The following SLC25A21 variants were observed in gnomAD, a reference collection of about 807,000 sequenced individuals.
The protein encoded by SLC25A21 is mitochondrial 2-oxodicarboxylate carrier.
In SLC25A21, 47 loss-of-function variants were observed where a neutral mutation model predicts 43.8. The observed-to-expected ratio is 1.07, with a 90% CI of 0.85 to 1.37. SLC25A21 has a LOEUF of 1.37. Ranked by LOEUF, SLC25A21 falls within the 40% of genes most tolerant of loss-of-function variation. SLC25A21 has a pLI of 0.00. For synonymous variants in SLC25A21, 131 were observed against 121.3 expected (o/e 1.08, Z -0.52); for missense variants, 352 against 350.2 (o/e 1.00, Z -0.04).
At chr14:36,762,896 T>G (rs1047393553) in intron 3 of SLC25A21, among the ~76,000 whole-genome samples, 3 of 152,206 alleles carry the variant, frequency 2.0e-5, no homozygotes, top group Admixed American at 2.0e-4. Context: ...CGTCATTATC[T>G]TGAATTAATC....
At chr14:36,787,878 C>A (rs1391378628) in intron 3 of SLC25A21, among the ~76,000 whole-genome samples, 2 of 151,998 alleles carry the variant, frequency 1.3e-5, no homozygotes, top group African/African-American at 4.8e-5. Context: ...GTGACTAGTT[C>A]TTTGCAAGCA....
intron 1 of SLC25A21, among the ~76,000 whole-genome samples, chr14:37,044,924 A>T (rs1178598661): frequency 2.0e-5 from 3 of 152,238 alleles, no homozygotes; most frequent in Admixed American, 2.0e-4. Context: ...ACATTATTCC[A>T]ACTGAAGAAA....
intron 3 of SLC25A21, among the ~76,000 whole-genome samples, chr14:36,765,064 T>C (rs921226000): frequency 4.6e-5 from 7 of 152,148 alleles, no homozygotes; most frequent in Non-Finnish European, 8.8e-5. Flanking sequence ...CAATAGAATA[T>C]GGGAGAAGTG....
chr14:36,709,219 G>A (rs1017536140), intron 7 of SLC25A21, among the ~76,000 whole-genome samples: 2 of 152,128 alleles, frequency 1.3e-5, no homozygotes, highest in African/African-American at 4.8e-5. Flanking sequence ...CTGAAAAACA[G>A]AGCTGGTTTC....
chr14:36,803,296 A>T (rs1391664355), intron 3 of SLC25A21, among the ~76,000 whole-genome samples: 1 of 152,218 alleles, frequency 6.6e-6, no homozygotes, highest in Non-Finnish European at 1.5e-5. Context: ...TATTTTACAC[A>T]TGAAGCCAGG....
In SLC25A21 at chr14:36,915,406, T is replaced by C. The variant is rs146354717; in HGVS notation, c.71-40402A>G. 3.5e-3 allele frequency among the ~76,000 whole-genome samples: 532 copies of C among 152,192 alleles called. 2 individuals carry two copies. Among genetic ancestry groups the C allele is most frequent in the Middle Eastern group, 6.8e-3 (2 of 294 alleles). On this transcript the variant is annotated intron_variant, in intron 1 of 9. Transcript: ENST00000331299. ...AGCACAGCAAAAGGGGTGGAGACAA[T>C]TGGATGCAGGGATGCTAGAAACAAT...
intron 1 of SLC25A21, among the ~76,000 whole-genome samples, chr14:36,981,280 C>A (rs1024317353): frequency 6.6e-6 from 1 of 152,146 alleles, no homozygotes; most frequent in Non-Finnish European, 1.5e-5. Context: ...GACAGCGTGG[C>A]GATTCCTCAA....
chr14:37,008,833 A>G (rs1224051268), intron 1 of SLC25A21, among the ~76,000 whole-genome samples: 2 of 152,238 alleles, frequency 1.3e-5, no homozygotes, highest in African/African-American at 4.8e-5. Context: ...GCAACAAAAA[A>G]TAATTTTGTA....
rs1253074031 is a variant in SLC25A21, at chr14:36,924,003, G to A, written c.71-48999C>T. 2.5e-4 allele frequency among the ~76,000 whole-genome samples: 38 copies of A among 152,222 alleles called. No individual in the cohort carries two copies. In the East Asian group the frequency reaches 7.0e-3, roughly 28 times the overall value. The stretch of plus-strand genomic sequence containing the variant: ...ACCATCTCACACCAGTTAGAATGGT[G>A]ATCATTAAAAAGTCAGGAAACTACA... On this transcript the variant is annotated intron_variant, in intron 1 of 9. Coordinates refer to ENST00000331299, the MANE Select transcript of SLC25A21 (RefSeq NM_030631.4).
At chr14:36,792,127 T>G (rs1007858458) in intron 3 of SLC25A21, among the ~76,000 whole-genome samples, 5 of 152,182 alleles carry the variant, frequency 3.3e-5, no homozygotes, top group African/African-American at 1.2e-4. Context: ...GAGGGACAGT[T>G]AGACCATCGA....
intron 1 of SLC25A21, among the ~76,000 whole-genome samples, chr14:37,129,378 T>C (rs1213033862): frequency 6.6e-6 from 1 of 152,192 alleles, no homozygotes; most frequent in Non-Finnish European, 1.5e-5. Flanking sequence ...TCTTGTGCAG[T>C]TCCATTTGTC....
intron 7 of SLC25A21, among the ~76,000 whole-genome samples, chr14:36,695,748 C>T (rs1473540350): frequency 6.6e-6 from 1 of 152,188 alleles, no homozygotes; most frequent in Non-Finnish European, 1.5e-5. Context: ...GATTTTTGCA[C>T]ATTGATTTTG....
intron 3 of SLC25A21, among the ~76,000 whole-genome samples, chr14:36,784,895 T>C (rs533904889): frequency 6.6e-6 from 1 of 152,324 alleles, no homozygotes; most frequent in African/African-American, 2.4e-5. Context: ...TGGCAGTTTG[T>C]TTTTAAAAAT....
intron 3 of SLC25A21, among the ~76,000 whole-genome samples, chr14:36,795,325 T>C (rs1197276392): frequency 1.3e-5 from 2 of 152,194 alleles, no homozygotes; most frequent in Non-Finnish European, 2.9e-5. Flanking sequence ...CAGTCCACTC[T>C]GATCATCATG....
chr14:37,146,257 A>G (rs1032812089), intron 1 of SLC25A21, among the ~76,000 whole-genome samples: 1 of 152,212 alleles, frequency 6.6e-6, no homozygotes, highest in Non-Finnish European at 1.5e-5. Context: ...CCAGAGTACC[A>G]AACAGACCAA....
At chr14:37,160,500 C>T (rs1257165095) in intron 1 of SLC25A21, among the ~76,000 whole-genome samples, 4 of 151,978 alleles carry the variant, frequency 2.6e-5, no homozygotes, top group African/African-American at 7.3e-5. Context: ...CTCACTTATA[C>T]GTGGGAGCTA....
intron 3 of SLC25A21, among the ~76,000 whole-genome samples, chr14:36,780,973 T>C (rs1249199712): frequency 6.6e-6 from 1 of 152,148 alleles, no homozygotes; most frequent in African/African-American, 2.4e-5. Flanking sequence ...CTTTCATATT[T>C]GTCAATATTT....
intron 1 of SLC25A21, among the ~76,000 whole-genome samples, chr14:37,128,702 C>A (rs746086675): frequency 6.6e-6 from 1 of 152,088 alleles, no homozygotes; most frequent in Non-Finnish European, 1.5e-5. Context: ...ATCCTCCCAC[C>A]TCAGTCTCCA....
intron 1 of SLC25A21, among the ~76,000 whole-genome samples, chr14:37,011,110 C>T (rs1401987366): frequency 6.6e-6 from 1 of 152,196 alleles, no homozygotes; most frequent in African/African-American, 2.4e-5. Context: ...TTGTCTCAAA[C>T]TCCTCACCTC....
Sources: gnomAD v4.1 joint callset for allele counts (sites outside exome capture counted in the v4.1 genomes callset) on GRCh38, gnomAD v4.1.1 for gene constraint, MANE v1.5 for transcripts, NCBI Gene and HGNC (gene_info 2026-07-23, HGNC 2026-07-21) for gene names.